The following OSTN variants were observed in gnomAD, a reference collection of about 807,000 sequenced individuals.
OSTN encodes osteocrin.
OSTN carries 9 observed loss-of-function variants against 12.0 expected under a neutral mutation model. The ratio of observed to expected loss-of-function variants is 0.75; its 90% CI spans 0.45 to 1.30. The LOEUF (loss-of-function observed/expected upper bound fraction) is 1.30, where lower values mean the gene tolerates loss of function less well. Among genes scored for constraint, OSTN ranks in the 50% most tolerant of loss-of-function variants. OSTN has a pLI of 0.00. For synonymous variants in OSTN, 59 were observed against 56.9 expected (o/e 1.04, Z -0.16); for missense variants, 148 against 152.3 (o/e 0.97, Z 0.15).
chr3:191,226,834 C>G (rs1714923386), intron 3 of OSTN, among the ~76,000 whole-genome samples: 1 of 152,016 alleles, frequency 6.6e-6, no homozygotes, highest in Admixed American at 6.6e-5. Context: ...TCAATTAATT[C>G]ATTCTCAAAC....
chr3:191,234,796 G>A (rs904677589), intron 3 of OSTN, among the ~76,000 whole-genome samples: 3 of 151,534 alleles, frequency 2.0e-5, no homozygotes, highest in African/African-American at 7.3e-5. Context: ...GGAGTGGCCA[G>A]GAGAAAATTA....
At chr3:191,235,853 G>A (rs952096119) in intron 3 of OSTN, among the ~76,000 whole-genome samples, 1 of 152,122 alleles carries the variant, frequency 6.6e-6, no homozygotes, top group Non-Finnish European at 1.5e-5. Flanking sequence ...AGCAGTTCTT[G>A]GTGCAGTCAT....
At chr3:191,219,997 T>C (rs146017493) in intron 3 of OSTN, among the ~76,000 whole-genome samples, 26 of 152,324 alleles carry the variant, frequency 1.7e-4, no homozygotes, top group African/African-American at 5.8e-4. Flanking sequence ...CAAAAGTCTG[T>C]GTGAAATGTT....
chr3:191,203,227 T>G (rs1576920236), intron 1 of OSTN, among the ~76,000 whole-genome samples: 1 of 152,188 alleles, frequency 6.6e-6, no homozygotes, highest in East Asian at 1.9e-4. Context: ...CTCCATGCAT[T>G]CATTCAACAC....
chr3:191,230,849 C>A (rs1166870487), intron 3 of OSTN, among the ~76,000 whole-genome samples: 2 of 152,062 alleles, frequency 1.3e-5, no homozygotes, highest in Admixed American at 1.3e-4. Flanking sequence ...AATTGATGAC[C>A]CTAGGAAATT....
intron 4 of OSTN, among the ~76,000 whole-genome samples, chr3:191,257,731 A>T (rs1399924221): frequency 6.6e-6 from 1 of 152,254 alleles, no homozygotes; most frequent in Non-Finnish European, 1.5e-5. Context: ...AATTTTGAAG[A>T]CATTTTAATA....
chr3:191,261,192 C>G (rs1054773357), intron 4 of OSTN, among the ~76,000 whole-genome samples: 2 of 152,154 alleles, frequency 1.3e-5, no homozygotes, highest in Admixed American at 6.5e-5. Flanking sequence ...ACCTTTGCCC[C>G]TCTGAAGGTT....
chr3:191,230,506 G>A (rs1715026140), intron 3 of OSTN, among the ~76,000 whole-genome samples: 1 of 145,214 alleles, frequency 6.9e-6, no homozygotes, highest in African/African-American at 2.6e-5. Context: ...GGAGGTTGCA[G>A]TGAGCTGAGA....
intron 3 of OSTN, among the ~76,000 whole-genome samples, chr3:191,247,084 G>A (rs144349174): frequency 1.3e-5 from 2 of 152,258 alleles, no homozygotes; most frequent in African/African-American, 4.8e-5. Flanking sequence ...TGACTACCAC[G>A]AGGAAAATAA....
chr3:191,253,462 C>A (rs1417264483), intron 4 of OSTN, among the ~76,000 whole-genome samples: 1 of 152,154 alleles, frequency 6.6e-6, no homozygotes, highest in African/African-American at 2.4e-5. Flanking sequence ...AACATTTATA[C>A]CTGGGAGGCT....
At chr3:191,248,767 G>A (rs1167965354) in intron 3 of OSTN, among the ~76,000 whole-genome samples, 4 of 152,108 alleles carry the variant, frequency 2.6e-5, no homozygotes, top group African/African-American at 4.8e-5. Flanking sequence ...GCAAGATGGC[G>A]AGACTCCCAT....
intron 3 of OSTN, among the ~76,000 whole-genome samples, chr3:191,245,875 G>A (rs556994026): frequency 5.1e-4 from 77 of 151,912 alleles, no homozygotes; most frequent in African/African-American, 1.8e-3. Flanking sequence ...AGACCAGCCT[G>A]GCCAACATAG....
chr3:191,205,064 C>A (rs930319901), intron 1 of OSTN, among the ~76,000 whole-genome samples: 1 of 152,070 alleles, frequency 6.6e-6, no homozygotes, highest in Non-Finnish European at 1.5e-5. Flanking sequence ...AGTTTTCTCA[C>A]AGATAAATTT....
At chr3:191,254,116 T>C (rs1265695167) in intron 4 of OSTN, among the ~76,000 whole-genome samples, 1 of 152,234 alleles carries the variant, frequency 6.6e-6, no homozygotes, top group Non-Finnish European at 1.5e-5. Context: ...CTGTGTCCCA[T>C]TCCAGAAGGT....
intron 3 of OSTN, among the ~76,000 whole-genome samples, chr3:191,238,070 G>T (rs1172206940): frequency 1.3e-5 from 2 of 152,124 alleles, no homozygotes; most frequent in African/African-American, 4.8e-5. Flanking sequence ...GCCAATCGCG[G>T]CATCTCAAGG....
At chr3:191,209,652 CCATTTT>C (rs1714368395) in intron 1 of OSTN, among the ~76,000 whole-genome samples, 2 of 152,294 alleles carry the variant, frequency 1.3e-5, no homozygotes, top group Admixed American at 6.5e-5. Flanking sequence ...TATTGTATCT[CCATTTT>C]AAGTCTTAAC....
At chr3:191,255,050 A>AT (rs1715640904) in intron 4 of OSTN, among the ~76,000 whole-genome samples, 1 of 151,970 alleles carries the variant, frequency 6.6e-6, no homozygotes, top group Admixed American at 6.6e-5. Context: ...CTGGAAGACA[A>AT]TTTTTCCAAG....
chr3:191,205,138 C>T (rs933906582), intron 1 of OSTN, among the ~76,000 whole-genome samples: 2 of 152,084 alleles, frequency 1.3e-5, no homozygotes, highest in African/African-American at 4.8e-5. Flanking sequence ...TTTATTTGAA[C>T]TCTAAGCCAA....
chr3:191,226,981 A>C (rs1378801328), intron 3 of OSTN, among the ~76,000 whole-genome samples: 1 of 152,172 alleles, frequency 6.6e-6, no homozygotes, highest in Non-Finnish European at 1.5e-5. Flanking sequence ...ATTCAGACGT[A>C]AAATTTGAAT....
Sources: gnomAD v4.1 joint callset for allele counts (sites outside exome capture counted in the v4.1 genomes callset) on GRCh38, gnomAD v4.1.1 for gene constraint, MANE v1.5 for transcripts, NCBI Gene and HGNC (gene_info 2026-07-23, HGNC 2026-07-21) for gene names.